Variants in PDE7B observed in about 807,000 individuals in gnomAD.
The protein encoded by PDE7B is phosphodiesterase 7B.
Under a neutral mutation model 56.2 loss-of-function variants are expected in PDE7B, and 29 were observed. The ratio of observed to expected loss-of-function variants is 0.52; its 90% CI spans 0.38 to 0.70. The LOEUF (loss-of-function observed/expected upper bound fraction) is 0.70, where lower values mean the gene tolerates loss of function less well. PDE7B is among the 30% of genes least tolerant of loss of function. PDE7B has a pLI of 0.00. For missense variants in PDE7B, 490 were observed against 565.0 expected, an observed-to-expected ratio of 0.87 and a Z score of 1.35; for synonymous variants, 197 against 196.9, an observed-to-expected ratio of 1.00 and a Z score of 0.00.
At chr6:136,100,310 A>G (rs1777539960) in intron 2 of PDE7B, among the ~76,000 whole-genome samples, 1 of 152,214 alleles carries the variant, frequency 6.6e-6, no homozygotes, top group Non-Finnish European at 1.5e-5. Flanking sequence ...TTCTGTGAAG[A>G]AAGTCAGTGG....
chr6:136,172,662 G>T (rs369707865), intron 8 of PDE7B, among the ~76,000 whole-genome samples: 8 of 151,600 alleles, frequency 5.3e-5, no homozygotes, highest in South Asian at 4.2e-4. Flanking sequence ...GTCAATTTTG[G>T]CTTTTGTTGC....
At chr6:136,148,018 G>C (rs1006788022) in intron 4 of PDE7B, among the ~76,000 whole-genome samples, 2 of 152,016 alleles carry the variant, frequency 1.3e-5, no homozygotes, top group Non-Finnish European at 2.9e-5. Context: ...ACATTGATCT[G>C]ACTGAGGGTG....
chr6:136,185,160 A>G (rs1027349259), intron 11 of PDE7B, among the ~76,000 whole-genome samples: 1 of 152,134 alleles, frequency 6.6e-6, no homozygotes, highest in Non-Finnish European at 1.5e-5. Context: ...ACTGCCCTGA[A>G]CCACTCAGGT....
chr6:136,158,211 G>A (rs1354349646), intron 8 of PDE7B, among the ~76,000 whole-genome samples: 3 of 152,086 alleles, frequency 2.0e-5, no homozygotes, highest in Non-Finnish European at 2.9e-5. Context: ...GGGCTTTCAG[G>A]GAGCTATTTG....
chr6:136,174,379 AT>A (rs1301839562), intron 9 of PDE7B, among the ~76,000 whole-genome samples: 1 of 152,118 alleles, frequency 6.6e-6, no homozygotes, highest in Non-Finnish European at 1.5e-5. Context: ...TGGCCCTAGC[AT>A]TTTTTTCACC....
At chr6:136,092,775 C>CAA (rs889694243) in intron 2 of PDE7B, among the ~76,000 whole-genome samples, 13 of 151,990 alleles carry the variant, frequency 8.6e-5, no homozygotes, top group Non-Finnish European at 1.9e-4. Context: ...CAAAACAAAA[C>CAA]AAAACAAAAC....
At chr6:136,020,886 G>A (rs1487087908) in intron 2 of PDE7B, among the ~76,000 whole-genome samples, 2 of 152,130 alleles carry the variant, frequency 1.3e-5, no homozygotes, top group Non-Finnish European at 2.9e-5. Flanking sequence ...TATAACAATA[G>A]TATTGTGCAA....
intron 2 of PDE7B, among the ~76,000 whole-genome samples, chr6:136,072,089 TTCAG>T (rs1370580748): frequency 3.9e-5 from 6 of 152,228 alleles, no homozygotes; most frequent in Non-Finnish European, 8.8e-5. Flanking sequence ...ATTTTTTTCA[TTCAG>T]TCAGTCATTC....
At chr6:135,984,926 T>C (rs1013880035) in intron 2 of PDE7B, among the ~76,000 whole-genome samples, 2 of 151,890 alleles carry the variant, frequency 1.3e-5, no homozygotes, top group East Asian at 1.9e-4. Flanking sequence ...TCACCAGCCC[T>C]GAGGAAAAGA....
At chr6:136,008,460 AG>A (rs1305320770) in intron 2 of PDE7B, among the ~76,000 whole-genome samples, 4 of 152,190 alleles carry the variant, frequency 2.6e-5, no homozygotes, top group African/African-American at 9.7e-5. Flanking sequence ...ACAGTGTAAA[AG>A]TGTTCCTATT....
rs561754846 is a variant in PDE7B at position 135,980,049 on chromosome 6, G to A, written c.82+32525G>A. On this transcript the variant is annotated intron_variant, in intron 2 of 12. Coordinates refer to ENST00000308191, the MANE Select transcript of PDE7B (RefSeq NM_018945.4). ...TGCCTAACTTCAAACTATACTACAA[G>A]GCTACAGTAACCAAAACAGCATGGT... Among the ~76,000 whole-genome samples, 787 of 152,110 alleles carry A rather than the reference G, an allele frequency of 5.2e-3. 3 individuals carry two copies. The highest frequency in any genetic ancestry group is 8.7e-3 in the Non-Finnish European group (594 of 68,022).
intron 2 of PDE7B, among the ~76,000 whole-genome samples, chr6:136,051,256 T>TG (rs1433555239): frequency 6.6e-6 from 1 of 152,184 alleles, no homozygotes; most frequent in Non-Finnish European, 1.5e-5. Flanking sequence ...TCTCGAAGTA[T>TG]ATTTGGCCTC....
At chr6:136,006,289 G>A (rs926201979) in intron 2 of PDE7B, among the ~76,000 whole-genome samples, 3 of 151,582 alleles carry the variant, frequency 2.0e-5, no homozygotes, top group Non-Finnish European at 4.4e-5. Context: ...ACACCAGCAT[G>A]ACACATGTAT....
intron 1 of PDE7B, among the ~76,000 whole-genome samples, chr6:135,855,084 ACT>A (rs1282136989): frequency 2.0e-5 from 3 of 152,212 alleles, no homozygotes; most frequent in African/African-American, 4.8e-5. Flanking sequence ...GAGCTGGGTG[ACT>A]CTGAGCCACT....
chr6:136,106,406 T>G (rs1777645807), intron 2 of PDE7B, among the ~76,000 whole-genome samples: 1 of 152,180 alleles, frequency 6.6e-6, no homozygotes, highest in Admixed American at 6.5e-5. Context: ...GTGTTTCTAA[T>G]CATAAGGTTA....
At chr6:135,882,161 T>G (rs1775622070) in intron 1 of PDE7B, among the ~76,000 whole-genome samples, 1 of 152,226 alleles carries the variant, frequency 6.6e-6, no homozygotes, top group Non-Finnish European at 1.5e-5. Context: ...CAAAGCCTGT[T>G]AGGTATAAAA....
At position 136,010,644 on chromosome 6, in the gene PDE7B, T is replaced by C. The variant is rs368094826; in HGVS notation, c.82+63120T>C. ...ATTTTTGCTTGTTTTTTTCTTTTTC[T>C]GTGAGACAGAGTCTCGCTCTGTCAC... On this transcript the variant is annotated intron_variant, in intron 2 of 12. Transcript: ENST00000308191. Among the ~76,000 whole-genome samples, 53 of 152,224 alleles carry C rather than the reference T, an allele frequency of 3.5e-4. 1 individual carries two copies. In the South Asian group the frequency reaches 0.011, roughly 30 times the overall value.
intron 8 of PDE7B, among the ~76,000 whole-genome samples, chr6:136,167,884 G>T (rs529230835): frequency 6.6e-6 from 1 of 152,282 alleles, no homozygotes; most frequent in East Asian, 1.9e-4. Context: ...AAAAGATAAA[G>T]AACTCTAATA....
At chr6:136,050,499 CT>C (rs1255153039) in intron 2 of PDE7B, among the ~76,000 whole-genome samples, 1 of 151,896 alleles carries the variant, frequency 6.6e-6, no homozygotes, top group Non-Finnish European at 1.5e-5. Context: ...GAGGTGGTAG[CT>C]GGTAGTTGCT....
Sources: gnomAD v4.1 joint callset for allele counts (sites outside exome capture counted in the v4.1 genomes callset) on GRCh38, gnomAD v4.1.1 for gene constraint, MANE v1.5 for transcripts, NCBI Gene and HGNC (gene_info 2026-07-23, HGNC 2026-07-21) for gene names.